ABCC2: variants seen among roughly 807,000 people sequenced by gnomAD.
The protein encoded by ABCC2 is ATP-binding cassette sub-family C member 2.
A neutral mutation model predicts 173.4 loss-of-function variants in ABCC2; 157 were observed. That is an observed-to-expected ratio of 0.91 (90% CI 0.80 to 1.03). The LOEUF (loss-of-function observed/expected upper bound fraction) is 1.03, where lower values mean the gene tolerates loss of function less well. ABCC2 is among the 50% of genes least tolerant of loss of function. The pLI is 0.00. For synonymous variants in ABCC2, 657 were observed against 693.5 expected, an observed-to-expected ratio of 0.95 and a Z score of 0.83; for missense variants, 1,822 against 1,852.3, an observed-to-expected ratio of 0.98 and a Z score of 0.30.
chr10:99,839,169 C>T (rs2038886688), intron 25 of ABCC2, among the ~76,000 whole-genome samples: 2 of 105,384 alleles, frequency 1.9e-5, no homozygotes, highest in Admixed American at 9.2e-5. Flanking sequence ...CCGGACGGGG[C>T]GGCTGGCCGG....
chr10:99,851,823 T>C lies in ABCC2; in HGVS notation c.*192T>C. On this transcript the variant is annotated 3_prime_UTR_variant, in exon 32 of 32. Transcript: ENST00000647814. ...CCAGGTACTTGAGAAACCCCTCGATTGTCTACCTCGATCGTACTTCCTTGC... is the reference window on the plus strand; with the variant it reads ...CCAGGTACTTGAGAAACCCCTCGATCGTCTACCTCGATCGTACTTCCTTGC... The C allele has an allele frequency of 1.9e-6, 1 of 524,554 alleles. No individual in the cohort carries two copies. Among genetic ancestry groups the C allele is most frequent in the Non-Finnish European group, 3.2e-6 (1 of 311,502 alleles). The allele number at this position is 524,554 out of a possible 1,614,324, so 32.5% of individuals were successfully genotyped here. A position where few individuals can be genotyped will look rare whatever the true frequency, so the allele number is the denominator to read the frequency against.
chr10:99,830,821 A>G lies in ABCC2; in HGVS notation c.2853A>G (p.Leu951=), dbSNP rs2038726199. ...EDEELVKGQK[L]IKKEFIETGK... ...AAGAACTAGTGAAAGGACAAAAACT[A>G]ATTAAGAAGGAATTCATAGAAACTG... The change falls in exon 21 of 32, where the codon CTA becomes CTG. Residue 951 remains leucine (L), a synonymous_variant. Coordinates refer to ENST00000647814, the MANE Select transcript of ABCC2 (RefSeq NM_000392.5). 3.1e-6 allele frequency: 5 copies of G among 1,614,108 alleles called. No homozygotes were observed. Among genetic ancestry groups the G allele is most frequent in the Non-Finnish European group, 4.2e-6 (5 of 1,179,992 alleles).
In ABCC2 at chr10:99,845,533, C is replaced by G; in HGVS notation, c.3988-91C>G. On this transcript the variant is annotated intron_variant, in intron 28 of 31. Coordinates refer to ENST00000647814, the MANE Select transcript of ABCC2 (RefSeq NM_000392.5). ...GAGATGGAGTAGCCAGTCACTGCCT[C>G]TTACCTCCTGTGACTGTGAATGCCC... 3.9e-6 allele frequency: 6 copies of G among 1,527,544 alleles called. No individual in the cohort carries two copies. In the South Asian group the frequency reaches 5.6e-5, roughly 14 times the overall value. The allele number at this position is 1,527,544 out of a possible 1,614,324, so 94.6% of individuals were successfully genotyped here.
rs889701210 is a variant in ABCC2, at chr10:99,819,090, C to A, written c.2441C>A (p.Thr814Asn). The change falls in exon 19 of 32, where the codon ACT (threonine) becomes AAT (asparagine). Residue 814 changes from threonine (T) to asparagine (N), a missense_variant and splice_region_variant. Transcript: ENST00000647814. ...LGPNGLLKGK[T>N]RLLVTHSMHF... ...CACAACTTCATATTATTTTTATAGA[C>A]TCGACTCTTGGTTACACATAGCATG... 6.2e-7 allele frequency: 1 copy of A among 1,614,084 alleles called. No individual in the cohort carries two copies. The highest frequency in any genetic ancestry group is 1.3e-5 in the African/African-American group (1 of 75,044).
chr10:99,795,646 C>T (rs1462428838), intron 6 of ABCC2, among the ~76,000 whole-genome samples: 8 of 150,718 alleles, frequency 5.3e-5, no homozygotes, highest in African/African-American at 1.7e-4. Flanking sequence ...TTGCTGTGAG[C>T]CAAGATCGCA....
At chr10:99,805,315 C>A in intron 10 of ABCC2, 67 bp from the exon 11 acceptor site, 1 of 1,445,352 alleles carries the variant, frequency 6.9e-7, no homozygotes, top group Non-Finnish European at 9.7e-7. Flanking sequence ...GGCCTGATGT[C>A]TGCAGCAAAC....
rs1348670639 is a variant in ABCC2, at chr10:99,847,024, G to A, written c.4210G>A (p.Glu1404Lys). ...CGACCCTTTCAACAACTACTCAGAT[G>A]AGGAGATTTGGAAGGCCTTGGAGCT... ...NLDPFNNYSD[E>K]EIWKALELAH... The change falls in exon 30 of 32, where the codon GAG (glutamate) becomes AAG (lysine). Residue 1404 changes from glutamate to lysine, a missense_variant. Transcript: ENST00000647814. The A allele has an allele frequency of 6.8e-6, 11 of 1,613,996 alleles. No homozygotes were observed. The highest frequency in any genetic ancestry group is 8.5e-6 in the Non-Finnish European group (10 of 1,180,004).
intron 19 of ABCC2, among the ~76,000 whole-genome samples, chr10:99,820,586 C>G (rs1029750685): frequency 6.6e-6 from 1 of 152,142 alleles, no homozygotes; most frequent in African/African-American, 2.4e-5. Context: ...AGTGAAACCC[C>G]ATCTCTGCTC....
chr10:99,791,300 C>T (rs1002149844), intron 2 of ABCC2, among the ~76,000 whole-genome samples: 3 of 151,990 alleles, frequency 2.0e-5, no homozygotes, highest in South Asian at 4.2e-4. Flanking sequence ...CCCAGCTACT[C>T]GGGAGGCTGA....
intron 2 of ABCC2, among the ~76,000 whole-genome samples, chr10:99,787,368 G>T (rs769953391): frequency 9.9e-5 from 15 of 152,136 alleles, no homozygotes; most frequent in Admixed American, 2.6e-4. Context: ...GTTCTTTTTT[G>T]ATTGGCTTCT....
chr10:99,797,160 G>GA lies in ABCC2; in HGVS notation c.697dup (p.Met233AsnfsTer11), dbSNP rs1314486961. 3.7e-6 allele frequency: 6 copies of GA among 1,614,042 alleles called. No homozygotes were observed. Among genetic ancestry groups the GA allele is most frequent in the Non-Finnish European group, 5.1e-6 (6 of 1,180,030 alleles). ...AGGATGTCTGGGAAGTTGATGAAGAGATGAAAACCAAGACATTAGTGAGCA... is the reference window on the plus strand; with the variant it reads ...AGGATGTCTGGGAAGTTGATGAAGAGAATGAAAACCAAGACATTAGTGAGCA... On this transcript the variant is annotated frameshift_variant, in exon 7 of 32. Transcript: ENST00000647814. LOFTEE classifies it high-confidence loss of function.
At chr10:99,802,936 GA>G (rs1401523739) in intron 9 of ABCC2, among the ~76,000 whole-genome samples, 1 of 152,164 alleles carries the variant, frequency 6.6e-6, no homozygotes, top group Non-Finnish European at 1.5e-5. Flanking sequence ...GATAGTGCCT[GA>G]AAAATCCTGA....
Position 99,819,086 on chromosome 10 carries a change from T to G in ABCC2, c.2440-3T>G. On this transcript the variant is annotated splice_polypyrimidine_tract_variant and splice_region_variant and intron_variant, in intron 18 of 31. Coordinates refer to ENST00000647814, the MANE Select transcript of ABCC2 (RefSeq NM_000392.5). ...TCAACACAACTTCATATTATTTTTA[T>G]AGACTCGACTCTTGGTTACACATAG... 1 of 1,614,134 alleles carries G rather than the reference T, an allele frequency of 6.2e-7. No homozygotes were observed. The highest frequency in any genetic ancestry group is 1.1e-5 in the South Asian group (1 of 91,084).
chr10:99,828,825 G>A (rs925039536), intron 19 of ABCC2, among the ~76,000 whole-genome samples: 7 of 151,930 alleles, frequency 4.6e-5, no homozygotes, highest in African/African-American at 1.7e-4. Context: ...TTACATCTCT[G>A]CCTTAGCCTT....
intron 15 of ABCC2, 123 bp from the exon 16 acceptor site, chr10:99,812,895 A>G (rs2038240977): frequency 7.4e-7 from 1 of 1,357,794 alleles, no homozygotes. Context: ...TCCAAGGCAA[A>G]TTTTCCAATC....
intron 25 of ABCC2, among the ~76,000 whole-genome samples, chr10:99,836,919 G>A (rs1254865315): frequency 6.6e-6 from 1 of 152,228 alleles, no homozygotes; most frequent in Non-Finnish European, 1.5e-5. Flanking sequence ...GGCTTCCAAA[G>A]TGTCTTGAGG....
intron 27 of ABCC2, 129 bp from the exon 28 acceptor site, chr10:99,844,193 A>T: frequency 8.7e-7 from 1 of 1,144,466 alleles, no homozygotes; most frequent in Non-Finnish European, 1.3e-6. Context: ...TCAGCCTATT[A>T]AATGCAGAGG....
At chr10:99,821,009 G>C (rs992100980) in intron 19 of ABCC2, among the ~76,000 whole-genome samples, 6 of 152,188 alleles carry the variant, frequency 3.9e-5, no homozygotes, top group African/African-American at 1.4e-4. Flanking sequence ...GGTGTTTCTC[G>C]AAGAGGGGGA....
At chr10:99,814,367 GTATA>G (rs1226257780) in intron 16 of ABCC2, among the ~76,000 whole-genome samples, 2 of 82,676 alleles carry the variant, frequency 2.4e-5, no homozygotes, top group Non-Finnish European at 5.2e-5. Flanking sequence ...ATACACACAT[GTATA>G]TATACACATA....
Sources: gnomAD v4.1 joint callset for allele counts (sites outside exome capture counted in the v4.1 genomes callset) on GRCh38, gnomAD v4.1.1 for gene constraint, MANE v1.5 for transcripts, NCBI Gene and HGNC (gene_info 2026-07-23, HGNC 2026-07-21) for gene names.